The following TPO variants were observed in gnomAD, a reference collection of about 807,000 sequenced individuals.
TPO encodes the protein thyroid microsomal antigen.
Under a neutral mutation model 96.9 loss-of-function variants are expected in TPO, and 78 were observed. The observed-to-expected ratio is 0.81, with a 90% CI of 0.67 to 0.97. The LOEUF (loss-of-function observed/expected upper bound fraction) is 0.97, where lower values mean the gene tolerates loss of function less well. Among genes scored for constraint, TPO ranks in the 50% least tolerant of loss-of-function variants. The pLI is 0.00. For synonymous variants in TPO, 547 were observed against 538.0 expected (o/e 1.02, Z -0.23); for missense variants, 1,252 against 1,274.8 (o/e 0.98, Z 0.27).
Position 1,374,797 on chromosome 2 carries a change from G to A in TPO, n.180+395G>A, listed in dbSNP as rs10209135. ...GGCTGGAGTGCAATGGCTCGATCTC[G>A]GCCCACTGTACCCTCCGCCTCCTGG... is the stretch of plus-strand genomic sequence containing the variant. On this transcript the variant is annotated intron_variant and non_coding_transcript_variant, in intron 1 of 5. Coordinates refer to the TPO transcript ENST00000497517. 3.8e-3 allele frequency among the ~76,000 whole-genome samples: 576 copies of A among 149,630 alleles called. 4 individuals are homozygous for A. Among genetic ancestry groups the A allele is most frequent in the African/African-American group, 0.014 (550 of 40,660 alleles).
intron 1 of TPO, among the ~76,000 whole-genome samples, chr2:1,385,790 T>C (rs1661884717): frequency 6.6e-6 from 1 of 152,202 alleles, no homozygotes; most frequent in South Asian, 2.1e-4. Context: ...TCTCTAGTTC[T>C]TTTAATTGTG....
intron 1 of TPO, among the ~76,000 whole-genome samples, chr2:1,382,217 A>T (rs1373259202): frequency 6.6e-6 from 1 of 152,134 alleles, no homozygotes; most frequent in Non-Finnish European, 1.5e-5. Flanking sequence ...TACCTTTCAG[A>T]GCAACTGTCA....
chr2:1,444,373 T>A (rs1002955120), intron 5 of TPO, among the ~76,000 whole-genome samples: 5 of 135,574 alleles, frequency 3.7e-5, no homozygotes, highest in South Asian at 2.4e-4. Context: ...GGAATGGAGC[T>A]GGCTCCTTCT....
intron 15 of TPO, 143 bp from the exon 16 acceptor site, chr2:1,540,447 TTGAC>T: frequency 1.9e-6 from 3 of 1,570,008 alleles, no homozygotes; most frequent in Non-Finnish European, 2.6e-6. Flanking sequence ...TATGATCGAC[TTGAC>T]TGAAGTGTGA....
chr2:1,465,102 C>T (rs988696754), intron 7 of TPO, among the ~76,000 whole-genome samples: 1 of 152,140 alleles, frequency 6.6e-6, no homozygotes, highest in East Asian at 1.9e-4. Flanking sequence ...GATCTAGTTT[C>T]ATTCTCCTAC....
chr2:1,485,069 C>G (rs1671016754), intron 9 of TPO, among the ~76,000 whole-genome samples: 2 of 151,792 alleles, frequency 1.3e-5, no homozygotes, highest in Non-Finnish European at 2.9e-5. Flanking sequence ...ACCCCCACCC[C>G]ACGACAGACG....
chr2:1,449,448 C>A (rs1234968808), intron 5 of TPO, among the ~76,000 whole-genome samples: 6 of 152,022 alleles, frequency 3.9e-5, no homozygotes, highest in African/African-American at 7.3e-5. Context: ...AGGGAGAGAC[C>A]TGATGGAGTT....
upstream of TPO, among the ~76,000 whole-genome samples, chr2:1,413,083 C>A (rs182822873): frequency 6.6e-6 from 1 of 152,104 alleles, no homozygotes; most frequent in Non-Finnish European, 1.5e-5. Context: ...AGCGAGTCAT[C>A]GGTGGGCCTG....
chr2:1,531,614 C>A (rs1282547050), intron 15 of TPO, among the ~76,000 whole-genome samples: 1 of 94,664 alleles, frequency 1.1e-5, no homozygotes, highest in East Asian at 3.5e-4. Context: ...CTCTGTGCAA[C>A]CTCCCCAAAA....
intron 1 of TPO, among the ~76,000 whole-genome samples, chr2:1,382,584 C>T (rs961688106): frequency 2.4e-4 from 37 of 152,196 alleles, no homozygotes; most frequent in African/African-American, 8.9e-4. Flanking sequence ...ACTGGTGAAG[C>T]TGAACAGCTG....
intron 7 of TPO, among the ~76,000 whole-genome samples, chr2:1,465,393 G>T (rs1482886854): frequency 6.6e-6 from 1 of 152,046 alleles, no homozygotes; most frequent in Non-Finnish European, 1.5e-5. Flanking sequence ...CTCTTTTTTG[G>T]TTCCATACGA....
rs753132298 is a variant in TPO, at chr2:1,487,873, G to T, written c.1650G>T (p.Gln550His). 6.2e-7 allele frequency: 1 copy of T among 1,614,258 alleles called. No individual in the cohort carries two copies. Among genetic ancestry groups the T allele is most frequent in the South Asian group, 1.1e-5 (1 of 91,092 alleles). Residue 550 changes from glutamine to histidine, a missense_variant, in exon 10 of 17, where the codon CAG (glutamine) becomes CAT (histidine). By Grantham distance (24) the Gln-to-His change is conservative. Transcript: ENST00000329066. The stretch of plus-strand genomic sequence containing the variant: ...TTCTTGCAAGACCAGCCAAACTGCA[G>T]GTGCAGGATCAGCTGATGAACGAGG... ...RGLLARPAKL[Q>H]VQDQLMNEEL...
intron 1 of TPO, among the ~76,000 whole-genome samples, chr2:1,393,826 C>A (rs949719541): frequency 1.3e-5 from 2 of 152,178 alleles, no homozygotes; most frequent in Non-Finnish European, 2.9e-5. Flanking sequence ...TTAGCTAAAT[C>A]ATGGTGACAT....
intron 14 of TPO, among the ~76,000 whole-genome samples, chr2:1,510,502 A>C (rs1458290288): frequency 6.6e-6 from 1 of 152,148 alleles, no homozygotes; most frequent in African/African-American, 2.4e-5. Flanking sequence ...TTCTGGACTC[A>C]CCCACAGAAA....
chr2:1,513,315 G>A (rs1034150564), intron 14 of TPO: 1 of 152,312 alleles, frequency 6.6e-6, no homozygotes, highest in African/African-American at 2.4e-5. Flanking sequence ...AGGAGCAACA[G>A]CTGAGCCATA....
chr2:1,526,452 A>G (rs1676522778), intron 15 of TPO, among the ~76,000 whole-genome samples: 1 of 122,988 alleles, frequency 8.1e-6, no homozygotes, highest in South Asian at 2.8e-4. Context: ...ACTGTGTGCA[A>G]CCTCCCCAAA....
intron 8 of TPO, chr2:1,477,850 C>T (rs945990791): frequency 1.9e-5 from 19 of 985,440 alleles, no homozygotes; most frequent in Non-Finnish European, 2.3e-5. Context: ...CCGGAGCTGG[C>T]GGCCCTCCGG....
chr2:1,448,613 C>A (rs1466340651), intron 5 of TPO, among the ~76,000 whole-genome samples: 1 of 152,224 alleles, frequency 6.6e-6, no homozygotes, highest in Non-Finnish European at 1.5e-5. Flanking sequence ...GACCTCTTGG[C>A]TCCTGGCCAT....
intron 15 of TPO, among the ~76,000 whole-genome samples, chr2:1,531,544 CCACTCTGTGCAAACTCCCCAAACCCCCA>C: frequency 1.0e-5 from 1 of 98,684 alleles, no homozygotes; most frequent in East Asian, 3.3e-4. Context: ...CAAATCCCTC[CCACTCTGTGCAAACTCCCCAAACCCCCA>C]CACTCTGTGC....
Sources: gnomAD v4.1 joint callset for allele counts (sites outside exome capture counted in the v4.1 genomes callset) on GRCh38, gnomAD v4.1.1 for gene constraint, MANE v1.5 for transcripts, NCBI Gene and HGNC (gene_info 2026-07-23, HGNC 2026-07-21) for gene names.